ASIC2: variants seen among roughly 807,000 people sequenced by gnomAD.
ASIC2 encodes acid sensing ion channel subunit 2.
A neutral mutation model predicts 57.3 loss-of-function variants in ASIC2; 25 were observed. The ratio of observed to expected loss-of-function variants is 0.44; its 90% CI spans 0.32 to 0.61. ASIC2 has a LOEUF of 0.61. Ranked by LOEUF, ASIC2 falls within the 20% of genes least tolerant of loss-of-function variation. The pLI, the probability that ASIC2 is intolerant of heterozygous loss-of-function variation, is 0.06. For synonymous variants in ASIC2, 319 were observed against 307.5 expected (o/e 1.04, Z -0.39); for missense variants, 641 against 738.1 (o/e 0.87, Z 1.52).
At chr17:34,075,837 T>C (rs1265105377) in intron 1 of ASIC2, among the ~76,000 whole-genome samples, 2 of 137,422 alleles carry the variant, frequency 1.5e-5, no homozygotes, top group Non-Finnish European at 3.1e-5. Flanking sequence ...TTTTTTTTTT[T>C]TTTTTTTTTT....
chr17:33,787,349 G>C (rs887642066), intron 1 of ASIC2, among the ~76,000 whole-genome samples: 1 of 152,182 alleles, frequency 6.6e-6, no homozygotes, highest in Non-Finnish European at 1.5e-5. Flanking sequence ...TGTGTAACCT[G>C]GGACCAGACC....
chr17:33,392,067 T>C (rs1355429838), intron 1 of ASIC2, among the ~76,000 whole-genome samples: 1 of 152,188 alleles, frequency 6.6e-6, no homozygotes, highest in Non-Finnish European at 1.5e-5. Context: ...GGATTCAAAA[T>C]CTTGGAGTTT....
At chr17:33,730,179 A>T (rs772953036) in intron 1 of ASIC2, among the ~76,000 whole-genome samples, 1 of 150,588 alleles carries the variant, frequency 6.6e-6, no homozygotes, top group Non-Finnish European at 1.5e-5. Flanking sequence ...AAAAAAGTGT[A>T]AAAAAAAATG....
At chr17:33,620,312 T>A (rs921362263) in intron 1 of ASIC2, among the ~76,000 whole-genome samples, 1 of 151,696 alleles carries the variant, frequency 6.6e-6, no homozygotes, top group Non-Finnish European at 1.5e-5. Context: ...CCAAAAAGCT[T>A]ACCAGTAATG....
intron 1 of ASIC2, among the ~76,000 whole-genome samples, chr17:34,045,542 G>T (rs1012165747): frequency 5.3e-5 from 8 of 152,206 alleles, no homozygotes; most frequent in African/African-American, 1.9e-4. Context: ...GCCTCAGGAA[G>T]TGTAGGCTGC....
chr17:33,563,736 A>G (rs1239149488), intron 1 of ASIC2, among the ~76,000 whole-genome samples: 2 of 152,176 alleles, frequency 1.3e-5, no homozygotes, highest in South Asian at 4.1e-4. Context: ...CATCTAGTAG[A>G]ACCCCATAGC....
chr17:34,116,693 C>G (rs754089325), intron 1 of ASIC2, among the ~76,000 whole-genome samples: 3 of 152,072 alleles, frequency 2.0e-5, no homozygotes, highest in Non-Finnish European at 4.4e-5. Flanking sequence ...TTAAAAGATG[C>G]CACCCACAAG....
chr17:33,246,117 A>G (rs1349870239), intron 1 of ASIC2, among the ~76,000 whole-genome samples: 1 of 151,844 alleles, frequency 6.6e-6, no homozygotes, highest in Non-Finnish European at 1.5e-5. Flanking sequence ...TTGGAGGTGT[A>G]CCATCCAGGC....
At chr17:33,750,411 T>C (rs930376135) in intron 1 of ASIC2, among the ~76,000 whole-genome samples, 6 of 152,192 alleles carry the variant, frequency 3.9e-5, no homozygotes, top group African/African-American at 1.4e-4. Context: ...TGCACGATAT[T>C]GTGCAAAATA....
At chr17:33,743,371 T>A (rs1287645171) in intron 1 of ASIC2, among the ~76,000 whole-genome samples, 1 of 152,176 alleles carries the variant, frequency 6.6e-6, no homozygotes, top group Non-Finnish European at 1.5e-5. Context: ...CATGTGTGGG[T>A]GTGGCTAAGA....
chr17:33,495,980 C>G (rs1913918843), intron 1 of ASIC2, among the ~76,000 whole-genome samples: 1 of 152,192 alleles, frequency 6.6e-6, no homozygotes, highest in South Asian at 2.1e-4. Context: ...GGAAGGAGAC[C>G]ATCAATGTAG....
At chr17:34,075,889 C>T (rs558032298) in intron 1 of ASIC2, among the ~76,000 whole-genome samples, 5 of 141,404 alleles carry the variant, frequency 3.5e-5, no homozygotes, top group East Asian at 2.1e-4. Context: ...AGTGCAATGG[C>T]GCCATCATAG....
chr17:34,040,096 C>T (rs1459778509), intron 1 of ASIC2, among the ~76,000 whole-genome samples: 6 of 135,476 alleles, frequency 4.4e-5, no homozygotes, highest in Non-Finnish European at 9.3e-5. Flanking sequence ...TCCCCGGGCT[C>T]GCGTACAGAG....
intron 1 of ASIC2, among the ~76,000 whole-genome samples, chr17:33,205,560 A>G (rs1907028908): frequency 6.6e-6 from 1 of 152,252 alleles, no homozygotes; most frequent in Admixed American, 6.5e-5. Flanking sequence ...ACTATGGAAC[A>G]AACACTTTTT....
chr17:33,503,276 G>A (rs1360293005), intron 1 of ASIC2, among the ~76,000 whole-genome samples: 1 of 152,144 alleles, frequency 6.6e-6, no homozygotes, highest in Non-Finnish European at 1.5e-5. Flanking sequence ...TTTATTACAG[G>A]CAAAATGCTA....
chr17:34,038,746 C>T (rs774672420), intron 1 of ASIC2: 23 of 1,609,468 alleles, frequency 1.4e-5, no homozygotes, highest in Admixed American at 1.7e-5. Context: ...ATTCTTTTAA[C>T]GTTAACGTTT....
At chr17:33,915,918 A>C (rs1392558331) in intron 1 of ASIC2, among the ~76,000 whole-genome samples, 5 of 152,150 alleles carry the variant, frequency 3.3e-5, no homozygotes, top group Admixed American at 6.5e-5. Context: ...CCGTGGGGAC[A>C]CTCAAGAGCA....
chr17:33,811,890 A>C (rs73986741), intron 1 of ASIC2, among the ~76,000 whole-genome samples: 71 of 152,232 alleles, frequency 4.7e-4, no homozygotes, highest in African/African-American at 1.6e-3. Context: ...CACATGCAGA[A>C]CTTCTCCCAG....
At chr17:34,023,416 T>G (rs981975498) in intron 1 of ASIC2, among the ~76,000 whole-genome samples, 2 of 150,960 alleles carry the variant, frequency 1.3e-5, no homozygotes, top group African/African-American at 4.9e-5. Context: ...CTTCAGATTT[T>G]GATTCTGAAC....
Sources: gnomAD v4.1 joint callset for allele counts (sites outside exome capture counted in the v4.1 genomes callset) on GRCh38, gnomAD v4.1.1 for gene constraint, MANE v1.5 for transcripts, NCBI Gene and HGNC (gene_info 2026-07-23, HGNC 2026-07-21) for gene names.